The following MAG variants were observed in gnomAD, a reference collection of about 807,000 sequenced individuals.
MAG encodes the protein myelin associated glycoprotein.
Under a neutral mutation model 60.7 loss-of-function variants are expected in MAG, and 30 were observed. The ratio of observed to expected loss-of-function variants is 0.49; its 90% CI spans 0.37 to 0.67. MAG has a LOEUF of 0.67. Ranked by LOEUF, MAG falls within the 30% of genes least tolerant of loss-of-function variation. MAG has a pLI of 0.00. For synonymous variants in MAG, 384 were observed against 376.8 expected (o/e 1.02, Z -0.22); for missense variants, 795 against 851.7 (o/e 0.93, Z 0.83).
At chr19:35,312,413 G>A (rs897556684) in intron 10 of MAG, 65 of 1,220,890 alleles carry the variant, frequency 5.3e-5, no homozygotes, top group East Asian at 2.1e-4. Flanking sequence ...CCTGTCAGGC[G>A]TCAAGGTGGT....
In MAG at chr19:35,295,649, C is replaced by T; in HGVS notation, c.83C>T (p.Ser28Leu). ...RGGHWGAWMPSSISAFEGTCV... is the reference protein window; with the variant it reads ...RGGHWGAWMPLSISAFEGTCV... ...GGTCACTGGGGTGCCTGGATGCCCT[C>T]GTCCATCTCGGCCTTCGAAGGCACG... is the stretch of plus-strand genomic sequence containing the variant. Residue 28 changes from serine to leucine, a missense_variant, in exon 4 of 11, where the codon TCG becomes TTG. Ser to Leu is a moderately radical substitution (Grantham distance 145). Coordinates refer to ENST00000392213, the MANE Select transcript of MAG (RefSeq NM_002361.4). The surrounding 1 kb of genome is among the most constrained non-coding windows in gnomAD (Gnocchi z 5.8). 3.1e-6 allele frequency: 5 copies of T among 1,610,382 alleles called. No individual in the cohort carries two copies. The highest frequency in any genetic ancestry group is 2.5e-6 in the Non-Finnish European group (3 of 1,179,420).
At position 35,313,262 on chromosome 19, in the gene MAG, C is replaced by T. The variant is rs779000443; in HGVS notation, c.1717-28C>T. 1.4e-5 allele frequency: 23 copies of T among 1,604,828 alleles called. No homozygotes were observed. The East Asian group carries it at 5.1e-4, about 36-fold the overall frequency. On this transcript the variant is annotated intron_variant, in intron 10 of 10. Transcript: ENST00000392213. ...ATTGGGAAAAGGCAGGGAGCAGGACCCTGCTAATGGGCGGTTTCCCCTCTT... is the reference window on the plus strand; with the variant it reads ...ATTGGGAAAAGGCAGGGAGCAGGACTCTGCTAATGGGCGGTTTCCCCTCTT...
chr19:35,310,686 A>C, intron 9 of MAG, 43 bp downstream of exon 9: 1 of 1,576,504 alleles, frequency 6.3e-7, no homozygotes, highest in Non-Finnish European at 8.7e-7. Context: ...GAGTCTCCAA[A>C]AAGGGGACCT....
chr19:35,308,839 G>A lies in MAG; in HGVS notation c.1232-1035G>A, dbSNP rs114401203. ...GTCAAAAATGGTCAAATGTGGCTGG[G>A]CGCAGTGGCTTATGCCTGTAATCCC... is the stretch of plus-strand genomic sequence containing the variant. On this transcript the variant is annotated intron_variant, in intron 7 of 10. Transcript: ENST00000392213. Among the ~76,000 whole-genome samples, 575 of 152,052 alleles carry A rather than the reference G, an allele frequency of 3.8e-3. 2 individuals are homozygous for A. Among genetic ancestry groups the A allele is most frequent in the African/African-American group, 0.013 (539 of 41,444 alleles).
rs750691038 is a variant in MAG at position 35,302,494 on chromosome 19, G to T, written c.1017G>T (p.Glu339Asp). The T allele has an allele frequency of 2.5e-6, 4 of 1,614,182 alleles. No individual in the cohort carries two copies. The highest frequency in any genetic ancestry group is 1.6e-4 in the Middle Eastern group (1 of 6,062). ...TGAACGGGACAATGGTGGCCGTAGAGGGGGAGACGGTCTCTATCTTGTGCT... is the reference window on the plus strand; with the variant it reads ...TGAACGGGACAATGGTGGCCGTAGATGGGGAGACGGTCTCTATCTTGTGCT... ...PTVNGTMVAV[E>D]GETVSILCST... Residue 339 changes from glutamate to aspartate, a missense_variant, in exon 7 of 11, where the codon GAG becomes GAT. Transcript: ENST00000392213.
rs1008155407 is a variant in MAG at position 35,293,206 on chromosome 19, C to T, written c.-80+1002C>T. Among the ~76,000 whole-genome samples the T allele has an allele frequency of 4.0e-5, 6 of 151,742 alleles. No individual in the cohort carries two copies. The highest frequency in any genetic ancestry group is 1.2e-4 in the African/African-American group (5 of 41,140). On this transcript the variant is annotated intron_variant, in intron 1 of 10. Coordinates refer to ENST00000392213, the MANE Select transcript of MAG (RefSeq NM_002361.4). This position sits in a 1 kb window ranked among gnomAD's most constrained non-coding sequence, Gnocchi z 4.0. ...CCATCGGCGCGTGTCTGAGTGGACG[C>T]GTCTATAGCCATCCTCAGTGTGTGT...
intron 7 of MAG, among the ~76,000 whole-genome samples, chr19:35,307,040 C>T (rs77047755): frequency 2.5e-3 from 374 of 152,350 alleles, no homozygotes; most frequent in African/African-American, 8.8e-3. Context: ...GGCAGGGTGT[C>T]GGCGTTCCGC....
intron 4 of MAG, among the ~76,000 whole-genome samples, chr19:35,298,235 C>G (rs111067338): frequency 0.03 from 4,480 of 150,906 alleles, 217 homozygotes; most frequent in African/African-American, 0.1. Context: ...CATCACAACA[C>G]AAACCACACA....
chr19:35,294,721 G>A (rs1246478188), intron 2 of MAG, among the ~76,000 whole-genome samples: 2 of 152,140 alleles, frequency 1.3e-5, no homozygotes, highest in African/African-American at 4.8e-5. Context: ...TTCAAGACCA[G>A]TCTGGGCAAC....
At chr19:35,300,056 GA>G in intron 5 of MAG, 90 bp from the exon 6 acceptor site, 4 of 1,348,094 alleles carry the variant, frequency 3.0e-6, no homozygotes, top group Non-Finnish European at 3.9e-6. Context: ...GGCGGGGCCG[GA>G]CAGTGTTGGG....
intron 7 of MAG, 57 bp from the exon 8 acceptor site, chr19:35,309,817 G>T (rs10411883): frequency 6.4e-7 from 1 of 1,567,888 alleles, no homozygotes; most frequent in Non-Finnish European, 8.6e-7. Flanking sequence ...AGGAGTCTCC[G>T]GGGCCGGGCC....
chr19:35,298,611 C>T (rs1458451886), intron 4 of MAG, among the ~76,000 whole-genome samples: 1 of 148,884 alleles, frequency 6.7e-6, no homozygotes, highest in Non-Finnish European at 1.5e-5. Context: ...CATGCACTAC[C>T]CACACACCAC....
intron 10 of MAG, 87 bp downstream of exon 10, chr19:35,312,104 G>T (rs2066532391): frequency 2.2e-6 from 3 of 1,365,202 alleles, no homozygotes; most frequent in Non-Finnish European, 3.1e-6. Context: ...CAAGGGGCAG[G>T]GGAGTGGGAG....
chr19:35,313,180 G>A lies in MAG; in HGVS notation c.1717-110G>A, dbSNP rs767176167. 58 of 1,196,474 alleles carry A rather than the reference G, an allele frequency of 4.8e-5. 1 individual carries two copies. Among genetic ancestry groups the A allele is most frequent in the Non-Finnish European group, 6.4e-5 (57 of 885,780 alleles). 74.1% of individuals were successfully genotyped at this position (1,196,474 alleles called of 1,614,324 possible). On this transcript the variant is annotated intron_variant, in intron 10 of 10. Transcript: ENST00000392213. Reference sequence around the variant, plus strand: ...TCCTTGAGAAAGGAGGTTCTCGCAGGGATTTATTTGGGACTGAACTCAGGA... The same window carrying A: ...TCCTTGAGAAAGGAGGTTCTCGCAGAGATTTATTTGGGACTGAACTCAGGA...
intron 10 of MAG, 187 bp downstream of exon 10, chr19:35,312,204 G>T: frequency 1.4e-6 from 2 of 1,410,628 alleles, no homozygotes; most frequent in Non-Finnish European, 2.0e-6. Flanking sequence ...AGCTGTGTAG[G>T]GGGCGATGGG....
chr19:35,309,136 CAT>C (rs1239269250), intron 7 of MAG, among the ~76,000 whole-genome samples: 1 of 152,100 alleles, frequency 6.6e-6, no homozygotes, highest in Non-Finnish European at 1.5e-5. Context: ...GTCCCTGTGA[CAT>C]AGTGCTCTGT....
chr19:35,300,160 T>G lies in MAG; in HGVS notation c.726T>G (p.Ile242Met). Residue 242 changes from isoleucine to methionine, a missense_variant, in exon 6 of 11, where the codon ATT (isoleucine) becomes ATG (methionine). Transcript: ENST00000392213. ...CGCGGGCCTTAGACCCCCCGGTGAT[T>G]GTGGAGATGAACTCCTCGGTGGAGG... ...ASMDVKYPPV[I>M]VEMNSSVEAI... is the part of the protein sequence containing the mutation. The G allele has an allele frequency of 6.5e-7, 1 of 1,538,976 alleles. No individual in the cohort carries two copies. Among genetic ancestry groups the G allele is most frequent in the South Asian group, 1.2e-5 (1 of 82,316 alleles).
Position 35,295,812 on chromosome 19 carries a change from C to T in MAG, c.246C>T (p.His82=), listed in dbSNP as rs142156011. The change falls in exon 4 of 11, where the codon CAC becomes CAT. Residue 82 remains histidine (H), a synonymous_variant. Transcript: ENST00000392213. This position sits in a 1 kb window ranked among gnomAD's most constrained non-coding sequence, Gnocchi z 5.8. ...VVFKSRTQVV[H]ESFQGRSRLL... ...TCAAGTCGCGCACCCAAGTAGTCCACGAGAGCTTCCAGGGCCGCAGCCGCC... is the reference window on the plus strand; with the variant it reads ...TCAAGTCGCGCACCCAAGTAGTCCATGAGAGCTTCCAGGGCCGCAGCCGCC... 932 of 1,613,932 alleles carry T rather than the reference C, an allele frequency of 5.8e-4. 5 individuals are homozygous for T. In the African/African-American group the frequency reaches 0.011, roughly 19 times the overall value.
chr19:35,295,863 C>T lies in MAG; in HGVS notation c.297C>T (p.Asn99=). The stretch of plus-strand genomic sequence containing the variant: ...TCCTGGGGGACCTGGGCCTGCGAAA[C>T]TGCACCCTCCTGCTCAGCAACGTCA... ...SRLLGDLGLR[N]CTLLLSNVSP... The change falls in exon 4 of 11, where the codon AAC becomes AAT. Residue 99 remains asparagine (N), a synonymous_variant. Transcript: ENST00000392213. This position sits in a 1 kb window ranked among gnomAD's most constrained non-coding sequence, Gnocchi z 5.8. 6.2e-7 allele frequency: 1 copy of T among 1,614,102 alleles called. No individual in the cohort carries two copies. Among genetic ancestry groups the T allele is most frequent in the Non-Finnish European group, 8.5e-7 (1 of 1,180,034 alleles).
Sources: gnomAD v4.1 joint callset for allele counts (sites outside exome capture counted in the v4.1 genomes callset) on GRCh38, gnomAD v4.1.1 for gene constraint, Gnocchi (gnomAD v3.1) non-coding constraint, MANE v1.5 for transcripts, NCBI Gene and HGNC (gene_info 2026-07-23, HGNC 2026-07-21) for gene names.